YTHDF1: variants seen among roughly 807,000 people sequenced by gnomAD.
YTHDF1 encodes the protein YTH N6-methyladenosine RNA binding protein F1.
In YTHDF1, 16 loss-of-function variants were observed where a neutral mutation model predicts 49.1. That is an observed-to-expected ratio of 0.33 (90% CI 0.22 to 0.49). The LOEUF is 0.49. Among genes scored for constraint, YTHDF1 ranks in the 20% least tolerant of loss-of-function variants. The pLI, the probability that YTHDF1 is intolerant of heterozygous loss-of-function variation, is 0.99. For synonymous variants in YTHDF1, 313 were observed against 290.1 expected, an observed-to-expected ratio of 1.08 and a Z score of -0.80; for missense variants, 621 against 744.3, an observed-to-expected ratio of 0.83 and a Z score of 1.93.
Position 63,202,572 on chromosome 20 carries a change from C to T in YTHDF1, c.1368G>A (p.Val456=), listed in dbSNP as rs771524985. 3.1e-6 allele frequency: 5 copies of T among 1,614,202 alleles called. No homozygotes were observed. In the East Asian group the frequency reaches 1.1e-4, roughly 36 times the overall value. The change falls in exon 4 of 5, where the codon GTG becomes GTA. Residue 456 remains valine, a synonymous_variant. Coordinates refer to ENST00000370339, the MANE Select transcript of YTHDF1 (RefSeq NM_017798.4). Reference sequence around the variant, plus strand: ...AGACCCCGGCACTGGTGCCGTAGTCCACGGGGGACTTCATCTCGGCCACCC... The same window carrying T: ...AGACCCCGGCACTGGTGCCGTAGTCTACGGGGGACTTCATCTCGGCCACCC... The part of the protein sequence containing the change: ...FCGVAEMKSP[V]DYGTSAGVWS...
intron 3 of YTHDF1, among the ~76,000 whole-genome samples, 187 bp downstream of exon 3, chr20:63,213,677 T>C (rs2066586936): frequency 6.6e-6 from 1 of 152,156 alleles, no homozygotes; most frequent in African/African-American, 2.4e-5. Context: ...ACAGGGAAAA[T>C]CATTTTCACC....
chr20:63,214,736 G>A (rs2066593117), intron 2 of YTHDF1, among the ~76,000 whole-genome samples: 1 of 152,184 alleles, frequency 6.6e-6, no homozygotes, highest in Non-Finnish European at 1.5e-5. Flanking sequence ...GAGCAGGAAT[G>A]ACTCTGAGTT....
chr20:63,211,775 G>A (rs2066575448), intron 3 of YTHDF1, among the ~76,000 whole-genome samples: 1 of 152,114 alleles, frequency 6.6e-6, no homozygotes, highest in South Asian at 2.1e-4. Flanking sequence ...GCAACACAAA[G>A]AGACCCTGTG....
intron 2 of YTHDF1, 135 bp from the exon 3 acceptor site, chr20:63,214,078 C>T (rs2066589332): frequency 7.2e-7 from 1 of 1,392,934 alleles, no homozygotes; most frequent in African/African-American, 1.5e-5. Context: ...GGAGTACAAC[C>T]AGTATAGAAC....
At chr20:63,202,250 C>T in intron 4 of YTHDF1, 37 bp downstream of exon 4, 1 of 1,588,878 alleles carries the variant, frequency 6.3e-7, no homozygotes, top group East Asian at 2.2e-5. Flanking sequence ...ACCAAGGACA[C>T]ATCTGCATGG....
intron 3 of YTHDF1, among the ~76,000 whole-genome samples, chr20:63,207,157 G>A (rs2066550519): frequency 6.6e-6 from 1 of 152,210 alleles, no homozygotes; most frequent in Non-Finnish European, 1.5e-5. Context: ...GAGTGTGAAA[G>A]TTTACTTCTC....
At position 63,205,215 on chromosome 20, in the gene YTHDF1, A is replaced by G. The variant is rs559654831; in HGVS notation, c.133-1408T>C. On this transcript the variant is annotated intron_variant, in intron 3 of 4. Coordinates refer to ENST00000370339, the MANE Select transcript of YTHDF1 (RefSeq NM_017798.4). Reference sequence around the variant, plus strand: ...GGCATCAAAGGCTACACTATGAAGGATAACAGCACCCAGTCGGGGACACCA... The same window carrying G: ...GGCATCAAAGGCTACACTATGAAGGGTAACAGCACCCAGTCGGGGACACCA... Among the ~76,000 whole-genome samples the G allele has an allele frequency of 3.3e-4, 51 of 152,324 alleles. No individual in the cohort carries two copies. In the South Asian group the frequency reaches 3.5e-3, roughly 11 times the overall value.
chr20:63,209,182 G>A (rs1045201930), intron 3 of YTHDF1, among the ~76,000 whole-genome samples: 1 of 152,250 alleles, frequency 6.6e-6, no homozygotes, highest in Non-Finnish European at 1.5e-5. Flanking sequence ...CACTGGGTGA[G>A]TCAGGGAGAG....
intron 4 of YTHDF1, among the ~76,000 whole-genome samples, chr20:63,200,005 G>T (rs975892416): frequency 6.6e-6 from 1 of 152,094 alleles, no homozygotes; most frequent in Non-Finnish European, 1.5e-5. Context: ...AACAAGCTGT[G>T]ATTAAGTCAC....
chr20:63,211,908 A>C (rs963219921), intron 3 of YTHDF1, among the ~76,000 whole-genome samples: 4 of 151,740 alleles, frequency 2.6e-5, no homozygotes, highest in African/African-American at 4.9e-5. Flanking sequence ...AGTGAGCTAT[A>C]ATCATGCCCC....
intron 3 of YTHDF1, among the ~76,000 whole-genome samples, chr20:63,205,932 T>C (rs2066543697): frequency 6.6e-6 from 1 of 152,086 alleles, no homozygotes; most frequent in South Asian, 2.1e-4. Flanking sequence ...TAATCTGAGC[T>C]TATTCTCCCT....
At chr20:63,205,508 AC>A (rs1278472406) in intron 3 of YTHDF1, among the ~76,000 whole-genome samples, 1,394 of 135,590 alleles carry the variant, frequency 0.01, 20 homozygotes, top group African/African-American at 0.032. Context: ...CAATTCCAGA[AC>A]CCCCCCCTTT....
chr20:63,215,359 G>C (rs148667289), intron 2 of YTHDF1, among the ~76,000 whole-genome samples: 1 of 152,104 alleles, frequency 6.6e-6, no homozygotes, highest in African/African-American at 2.4e-5. Flanking sequence ...GGGGAGAGAC[G>C]GGCCCAAACT....
Position 63,216,112 on chromosome 20 carries a change from A to G in YTHDF1, c.-220T>C, listed in dbSNP as rs1031241653. On this transcript the variant is annotated 5_prime_UTR_variant, in exon 1 of 5. Coordinates refer to ENST00000370339, the MANE Select transcript of YTHDF1 (RefSeq NM_017798.4). ...ACGCACTGAGGAGGCGTCGACTCCA[A>G]TGGCGGCGGCGGCGGCGACAGCAGC... 3.9e-5 allele frequency: 7 copies of G among 178,288 alleles called. No homozygotes were observed. The highest frequency in any genetic ancestry group is 6.6e-5 in the Admixed American group (1 of 15,068). 11.0% of individuals were successfully genotyped at this position (178,288 alleles called of 1,614,324 possible).
intron 3 of YTHDF1, among the ~76,000 whole-genome samples, chr20:63,207,285 T>A (rs6122400): frequency 2.0e-5 from 3 of 151,808 alleles, no homozygotes; most frequent in Non-Finnish European, 2.9e-5. Flanking sequence ...TGGCTAACAC[T>A]GTAAAACCCC....
chr20:63,215,758 C>A, intron 1 of YTHDF1, 108 bp downstream of exon 1: 1 of 1,375,060 alleles, frequency 7.3e-7, no homozygotes, highest in Non-Finnish European at 9.4e-7. Flanking sequence ...CCCGGTCCCG[C>A]CTGGGCCCGG....
chr20:63,213,261 G>A (rs986402180), intron 3 of YTHDF1, among the ~76,000 whole-genome samples: 3 of 152,156 alleles, frequency 2.0e-5, no homozygotes, highest in Admixed American at 6.5e-5. Flanking sequence ...GTGAAACCCC[G>A]TCTCTACTAA....
chr20:63,213,880 G>C lies in YTHDF1; in HGVS notation c.116C>G (p.Thr39Ser), dbSNP rs1386342509. 2 of 1,596,226 alleles carry C rather than the reference G, an allele frequency of 1.3e-6. No individual in the cohort carries two copies. The highest frequency in any genetic ancestry group is 3.7e-5 in the Admixed American group (2 of 54,268). The change falls in exon 3 of 5, where the codon ACT becomes AGT. Residue 39 changes from threonine (T) to serine (S), a missense_variant. Physicochemically the swap from Thr to Ser is moderately conservative, Grantham distance 58. Coordinates refer to ENST00000370339, the MANE Select transcript of YTHDF1 (RefSeq NM_017798.4). The part of the protein sequence containing the change: ...VHDNDFEPYL[T>S]GQSNQSNSYP... ...TAAACTCACCTGATTTGACTGTCCAGTAAGGTAGGGCTCAAAGTCATTGTC... is the reference window on the plus strand; with the variant it reads ...TAAACTCACCTGATTTGACTGTCCACTAAGGTAGGGCTCAAAGTCATTGTC...
chr20:63,203,740 G>T lies in YTHDF1; in HGVS notation c.200C>A (p.Pro67His), dbSNP rs1404440924. Residue 67 changes from proline (P) to histidine (H), a missense_variant, in exon 4 of 5, where the codon CCT becomes CAT. By Grantham distance (77) the Pro-to-His change is moderately conservative. Around this residue, in one of 2 missense-constraint regions of YTHDF1, gnomAD observed 470 missense variants for 495.8 expected, o/e 0.95. Transcript: ENST00000370339. The surrounding 1 kb of genome is among the most constrained non-coding windows in gnomAD (Gnocchi z 4.4). ...CCACGGAGCCTCATTGAGGGAGTAAGGAAATCCAATGGACGGCGGGTAATA... is the reference window on the plus strand; with the variant it reads ...CCACGGAGCCTCATTGAGGGAGTAATGAAATCCAATGGACGGCGGGTAATA... ...SSYYPPSIGF[P>H]YSLNEAPWST... 1 of 1,614,136 alleles carries T rather than the reference G, an allele frequency of 6.2e-7. No homozygotes were observed. The highest frequency in any genetic ancestry group is 1.7e-5 in the Admixed American group (1 of 60,024).
Sources: allele counts gnomAD v4.1 joint callset (sites outside exome capture counted in the v4.1 genomes callset), GRCh38; gene constraint gnomAD v4.1.1; regional missense constraint gnomAD v4.1.1; non-coding constraint Gnocchi (gnomAD v3.1); transcripts MANE v1.5; gene names NCBI Gene and HGNC (gene_info 2026-07-23, HGNC 2026-07-21).